Variants in TCF4 observed in about 807,000 individuals in gnomAD.
TCF4 encodes the protein transcription factor 4, also known as SL3-3 enhancer factor 2.
TCF4 carries 3 observed loss-of-function variants against 82.1 expected under a neutral mutation model. The observed-to-expected ratio is 0.04, with a 90% CI of 0.02 to 0.09. TCF4 has a LOEUF of 0.09. Among genes scored for constraint, TCF4 ranks in the 10% least tolerant of loss-of-function variants. TCF4 has a pLI of 1.00. For missense variants in TCF4, 518 were observed against 852.7 expected (o/e 0.61, Z 4.89); for synonymous variants, 276 against 309.6 (o/e 0.89, Z 1.14).
intron 3 of TCF4, among the ~76,000 whole-genome samples, chr18:55,468,748 G>A (rs1603500831): frequency 6.6e-6 from 1 of 152,010 alleles, no homozygotes; most frequent in Non-Finnish European, 1.5e-5. Flanking sequence ...ATAATATTGT[G>A]GTATGAGAAG....
At chr18:55,242,222 AC>A (rs2051472123) in intron 15 of TCF4, among the ~76,000 whole-genome samples, 2 of 152,098 alleles carry the variant, frequency 1.3e-5, no homozygotes, top group African/African-American at 4.8e-5. Context: ...TACAGACACC[AC>A]CCTTAAAACA....
chr18:55,634,917 G>A (rs536422748), intron 1 of TCF4, among the ~76,000 whole-genome samples: 7 of 152,314 alleles, frequency 4.6e-5, no homozygotes, highest in South Asian at 2.1e-4. Flanking sequence ...AAAGGAAGTC[G>A]TAAGGGGGTG....
chr18:55,279,784 C>A, intron 8 of TCF4, 128 bp from the exon 9 acceptor site: 1 of 1,437,994 alleles, frequency 7.0e-7, no homozygotes. Flanking sequence ...CTGAACAAAC[C>A]CTAGAAACAG....
intron 3 of TCF4, among the ~76,000 whole-genome samples, chr18:55,560,043 G>A (rs1006122758): frequency 2.0e-4 from 31 of 152,120 alleles, no homozygotes; most frequent in African/African-American, 7.2e-4. Context: ...ATTAGAAGCT[G>A]TAAAATAAAA....
chr18:55,528,364 C>T (rs1285457437), intron 3 of TCF4, among the ~76,000 whole-genome samples: 5 of 152,154 alleles, frequency 3.3e-5, no homozygotes, highest in African/African-American at 4.8e-5. Flanking sequence ...AGAAACATCA[C>T]CATAATCCAA....
Position 55,599,375 on chromosome 18 carries a change from A to T in TCF4, c.287-12239T>A, listed in dbSNP as rs143456078. 5.3e-4 allele frequency among the ~76,000 whole-genome samples: 81 copies of T among 152,274 alleles called. 1 individual carries two copies. The highest frequency in any genetic ancestry group is 3.4e-3 in the Middle Eastern group (1 of 294). ...ACTTCTTGACCTTCACCCATCACTC[A>T]GTGCTCTGAACTCATTTACTTATTA... On this transcript the variant is annotated intron_variant, in intron 2 of 20. Transcript: ENST00000398339.
rs1351404058 is a variant in TCF4, at chr18:55,535,203, T to C, written c.145+50077A>G. ...CAGTCTTAAATCATTTCAGGGTTCG[T>C]GCTCTCTTTGTTTTAACTCCAGTGT... On this transcript the variant is annotated intron_variant, in intron 3 of 19. Coordinates refer to ENST00000354452, the MANE Select transcript of TCF4 (RefSeq NM_001083962.2). Among the ~76,000 whole-genome samples, 3 of 152,246 alleles carry C rather than the reference T, an allele frequency of 2.0e-5. No individual in the cohort carries two copies. In the East Asian group the frequency reaches 5.8e-4, roughly 29 times the overall value.
At chr18:55,522,584 C>A (rs1161537753) in intron 3 of TCF4, among the ~76,000 whole-genome samples, 1 of 151,816 alleles carries the variant, frequency 6.6e-6, no homozygotes, top group Non-Finnish European at 1.5e-5. Flanking sequence ...AATGCATTAA[C>A]AAAATTAAAA....
At chr18:55,326,342 C>A (rs1244192133) in intron 8 of TCF4, among the ~76,000 whole-genome samples, 1 of 133,440 alleles carries the variant, frequency 7.5e-6, no homozygotes, top group Non-Finnish European at 1.5e-5. Flanking sequence ...AAGGAGAGTG[C>A]ATTTCCTTGT....
intron 3 of TCF4, among the ~76,000 whole-genome samples, chr18:55,533,648 T>C (rs1381440976): frequency 6.6e-6 from 1 of 152,200 alleles, no homozygotes; most frequent in African/African-American, 2.4e-5. Flanking sequence ...TTAGTGAAAA[T>C]GTAACTGTGA....
Position 55,370,026 on chromosome 18 carries a change from G to C in TCF4, c.370-19023C>G, listed in dbSNP as rs74704870. Reference sequence around the variant, plus strand: ...ACCAGCCTGGCCATCCCATCGTGGAGGGCAGGCCTTCATAGCTGGAAGGCT... The same window carrying C: ...ACCAGCCTGGCCATCCCATCGTGGACGGCAGGCCTTCATAGCTGGAAGGCT... On this transcript the variant is annotated intron_variant, in intron 6 of 19. Transcript: ENST00000354452. Among the ~76,000 whole-genome samples the C allele has an allele frequency of 6.8e-4, 103 of 152,324 alleles. No individual in the cohort carries two copies. In the East Asian group the frequency reaches 8.3e-3, roughly 12 times the overall value.
chr18:55,427,405 TTAA>T (rs2095034475), intron 5 of TCF4, among the ~76,000 whole-genome samples: 3 of 152,198 alleles, frequency 2.0e-5, no homozygotes, highest in African/African-American at 7.2e-5. Flanking sequence ...ATTAACTACA[TTAA>T]TAATAAGAAT....
rs1005128875 is a variant in TCF4, at chr18:55,402,442, A to G, written c.369+1012T>C. Reference sequence around the variant, plus strand: ...AAATAGATTTTTTTCCCCCATCAAGAACATCAGAGGGTGAGAGAGTTCAAG... The same window carrying G: ...AAATAGATTTTTTTCCCCCATCAAGGACATCAGAGGGTGAGAGAGTTCAAG... On this transcript the variant is annotated intron_variant, in intron 6 of 19. Transcript: ENST00000354452. Among the ~76,000 whole-genome samples the G allele has an allele frequency of 3.9e-5, 6 of 152,182 alleles. No homozygotes were observed. The South Asian group carries it at 1.0e-3, about 26-fold the overall frequency.
chr18:55,501,960 T>C (rs781740200), intron 3 of TCF4, among the ~76,000 whole-genome samples: 4 of 152,102 alleles, frequency 2.6e-5, no homozygotes, highest in Non-Finnish European at 4.4e-5. Context: ...GATAGATAAG[T>C]AGCAACTCAG....
intron 3 of TCF4, among the ~76,000 whole-genome samples, chr18:55,540,038 CAG>C (rs772269255): frequency 6.8e-6 from 1 of 146,562 alleles, no homozygotes; most frequent in South Asian, 2.1e-4. Context: ...GTGAATGAAA[CAG>C]AGATGCAAAA....
intron 2 of TCF4, among the ~76,000 whole-genome samples, chr18:55,621,659 A>G (rs1300475978): frequency 6.1e-5 from 3 of 49,032 alleles, no homozygotes; most frequent in Non-Finnish European, 7.6e-5. Context: ...ATTATATAAT[A>G]TACATTATAT....
At chr18:55,376,560 C>CTAAG (rs1283374180) in intron 6 of TCF4, among the ~76,000 whole-genome samples, 5 of 152,156 alleles carry the variant, frequency 3.3e-5, no homozygotes, top group African/African-American at 1.2e-4. Flanking sequence ...CTGCTCAAAC[C>CTAAG]TAAGTATGCA....
At chr18:55,265,923 A>C (rs1282754581) in intron 11 of TCF4, 5 of 152,224 alleles carry the variant, frequency 3.3e-5, no homozygotes, top group African/African-American at 1.2e-4. Flanking sequence ...AAGACCACGT[A>C]TTAGAATGCA....
At chr18:55,298,690 G>A (rs775439265) in intron 8 of TCF4, among the ~76,000 whole-genome samples, 1 of 152,176 alleles carries the variant, frequency 6.6e-6, no homozygotes, top group Non-Finnish European at 1.5e-5. Context: ...ACTAAAACAT[G>A]TGACTAGAGC....
Sources: gnomAD v4.1 joint callset for allele counts (sites outside exome capture counted in the v4.1 genomes callset) on GRCh38, gnomAD v4.1.1 for gene constraint, MANE v1.5 for transcripts, NCBI Gene and HGNC (gene_info 2026-07-23, HGNC 2026-07-21) for gene names.